The following TRAPPC9 variants were observed in gnomAD, a reference collection of about 807,000 sequenced individuals.
The protein encoded by TRAPPC9 is IKK2 binding protein.
TRAPPC9 carries 83 observed loss-of-function variants against 124.0 expected under a neutral mutation model. The observed-to-expected ratio is 0.67, with a 90% confidence interval of 0.56 to 0.80. TRAPPC9 has a LOEUF of 0.80. Ranked by LOEUF, TRAPPC9 falls within the 30% of genes least tolerant of loss-of-function variation. The probability of loss-of-function intolerance (pLI) is 0.00; values close to 1 mark genes in which losing one functional copy is unlikely to be tolerated. For missense variants in TRAPPC9, 1,302 were observed against 1,508.3 expected, an observed-to-expected ratio of 0.86 and a Z score of 2.27; for synonymous variants, 638 against 617.5, an observed-to-expected ratio of 1.03 and a Z score of -0.49.
At chr8:139,930,764 C>T (rs185395363) in intron 19 of TRAPPC9, among the ~76,000 whole-genome samples, 64 of 152,318 alleles carry the variant, frequency 4.2e-4, no homozygotes, top group Middle Eastern at 3.4e-3. Context: ...CTCATTCCAC[C>T]GCTGTCTCAT....
At chr8:140,127,659 T>C (rs188888985) in intron 17 of TRAPPC9, among the ~76,000 whole-genome samples, 1 of 152,364 alleles carries the variant, frequency 6.6e-6, no homozygotes, top group Admixed American at 6.5e-5. Context: ...AAAATACATA[T>C]TCCAGAAATA....
Position 140,437,938 on chromosome 8 carries a change from G to A in TRAPPC9, c.730+1114C>T, listed in dbSNP as rs188638632. Among the ~76,000 whole-genome samples, 269 of 152,262 alleles carry A rather than the reference G, an allele frequency of 1.8e-3. 1 individual carries two copies. The highest frequency in any genetic ancestry group is 6.0e-3 in the African/African-American group (250 of 41,546). On this transcript the variant is annotated intron_variant, in intron 3 of 22. Coordinates refer to ENST00000438773, the MANE Select transcript of TRAPPC9 (RefSeq NM_001160372.4). ...GGGCACCCGCTCTGCCGACTGCTGCGGGGGATCAGAGATGGCTGTGCTTTG... is the reference window on the plus strand; with the variant it reads ...GGGCACCCGCTCTGCCGACTGCTGCAGGGGATCAGAGATGGCTGTGCTTTG...
intron 21 of TRAPPC9, among the ~76,000 whole-genome samples, chr8:139,852,258 G>C (rs2068307444): frequency 6.6e-6 from 1 of 152,110 alleles, no homozygotes; most frequent in Admixed American, 6.5e-5. Flanking sequence ...TCTTTTTAAA[G>C]ACATGCCCAG....
intron 16 of TRAPPC9, among the ~76,000 whole-genome samples, chr8:140,228,659 ACAGGAGG>A (rs1174163368): frequency 6.6e-6 from 1 of 152,226 alleles, no homozygotes; most frequent in African/African-American, 2.4e-5. Flanking sequence ...GCCTCCATGT[ACAGGAGG>A]CTGTAACTAC....
At chr8:139,971,493 C>T (rs1416696605) in intron 19 of TRAPPC9, among the ~76,000 whole-genome samples, 2 of 152,196 alleles carry the variant, frequency 1.3e-5, no homozygotes, top group Admixed American at 6.5e-5. Context: ...AACACCTGCA[C>T]CCAGGCTGGC....
chr8:139,755,533 GT>G (rs1819675652), intron 21 of TRAPPC9, among the ~76,000 whole-genome samples: 5 of 143,714 alleles, frequency 3.5e-5, no homozygotes, highest in Admixed American at 6.9e-5. Flanking sequence ...AGGAGCCAGG[GT>G]TTGGGGATGA....
chr8:140,154,395 C>T (rs1041336304), intron 17 of TRAPPC9, among the ~76,000 whole-genome samples: 1 of 152,204 alleles, frequency 6.6e-6, no homozygotes, highest in African/African-American at 2.4e-5. Context: ...CGCCTCCACA[C>T]TGGCCTCCCC....
chr8:139,899,120 CAAAAA>C (rs33927933), intron 20 of TRAPPC9, among the ~76,000 whole-genome samples: 64 of 45,464 alleles, frequency 1.4e-3, no homozygotes, highest in South Asian at 3.6e-3. Context: ...AACTCCGTCT[CAAAAA>C]AAAAAAAAAA....
intron 17 of TRAPPC9, chr8:140,096,732 G>C (rs1329650197): frequency 1.3e-5 from 2 of 152,226 alleles, no homozygotes; most frequent in East Asian, 3.8e-4. Flanking sequence ...ACACCCAGTA[G>C]AGATACTGGG....
At chr8:139,957,562 C>T (rs541029542) in intron 19 of TRAPPC9, among the ~76,000 whole-genome samples, 3 of 152,290 alleles carry the variant, frequency 2.0e-5, no homozygotes, top group Non-Finnish European at 2.9e-5. Flanking sequence ...TGCCTTCTGG[C>T]GCCTGGCACG....
chr8:140,334,598 CG>C (rs2066985835), intron 9 of TRAPPC9, among the ~76,000 whole-genome samples: 2 of 151,708 alleles, frequency 1.3e-5, no homozygotes, highest in African/African-American at 4.9e-5. Context: ...TGCAGTGAGC[CG>C]AGATCGTGCC....
intron 21 of TRAPPC9, among the ~76,000 whole-genome samples, chr8:139,813,710 A>G (rs1286068718): frequency 6.6e-6 from 1 of 152,228 alleles, no homozygotes; most frequent in Non-Finnish European, 1.5e-5. Context: ...CCTGGGGTCT[A>G]ATGTGTGCAA....
At chr8:140,072,433 G>A (rs556897083) in intron 17 of TRAPPC9, among the ~76,000 whole-genome samples, 87 of 152,070 alleles carry the variant, frequency 5.7e-4, no homozygotes, top group South Asian at 1.2e-3. Context: ...CAGGAGAATC[G>A]CTTGAACGCG....
At chr8:140,123,945 T>G (rs987833392) in intron 17 of TRAPPC9, among the ~76,000 whole-genome samples, 2 of 152,320 alleles carry the variant, frequency 1.3e-5, no homozygotes, top group Middle Eastern at 3.4e-3. Flanking sequence ...GGTTCATTTC[T>G]TCACTGGACA....
At chr8:140,333,801 A>C (rs1269187466) in intron 9 of TRAPPC9, among the ~76,000 whole-genome samples, 14 of 152,258 alleles carry the variant, frequency 9.2e-5, no homozygotes, top group Non-Finnish European at 1.5e-5. Context: ...GTATCATAAA[A>C]TGTCAATGGC....
At chr8:139,994,355 T>C (rs1460257693) in intron 18 of TRAPPC9, among the ~76,000 whole-genome samples, 1 of 152,106 alleles carries the variant, frequency 6.6e-6, no homozygotes, top group Non-Finnish European at 1.5e-5. Flanking sequence ...GAGGAAATAA[T>C]TGCTCTCCCA....
chr8:139,939,681 T>C (rs1172994869), intron 19 of TRAPPC9, among the ~76,000 whole-genome samples: 1 of 152,336 alleles, frequency 6.6e-6, no homozygotes, highest in East Asian at 1.9e-4. Flanking sequence ...TCTGGTCCTT[T>C]TCAGCAAGTG....
At chr8:140,321,798 G>C (rs1159201913) in intron 9 of TRAPPC9, among the ~76,000 whole-genome samples, 2 of 152,168 alleles carry the variant, frequency 1.3e-5, no homozygotes, top group Non-Finnish European at 2.9e-5. Context: ...GGGCAGGCAG[G>C]ACAGCTAGGA....
chr8:140,247,791 T>C (rs926084120), intron 16 of TRAPPC9, among the ~76,000 whole-genome samples: 11 of 152,138 alleles, frequency 7.2e-5, no homozygotes, highest in Admixed American at 7.2e-4. Context: ...ATCTTCTGCT[T>C]CCCTTAATGT....
Sources: allele counts gnomAD v4.1 joint callset (sites outside exome capture counted in the v4.1 genomes callset), GRCh38; gene constraint gnomAD v4.1.1; transcripts MANE v1.5; gene names NCBI Gene and HGNC (gene_info 2026-07-23, HGNC 2026-07-21).